RALYL: variants seen among roughly 807,000 people sequenced by gnomAD.
RALYL encodes RNA-binding Raly-like protein.
In RALYL, 29 loss-of-function variants were observed where a neutral mutation model predicts 35.1. The ratio of observed to expected loss-of-function variants is 0.83; its 90% CI spans 0.61 to 1.13. The LOEUF is 1.13. Among genes scored for constraint, RALYL ranks in the 50% most tolerant of loss-of-function variants. The pLI is 0.00. For synonymous variants in RALYL, 120 were observed against 127.6 expected (o/e 0.94, Z 0.40); for missense variants, 359 against 360.4 (o/e 1.00, Z 0.03).
At chr8:84,917,689 C>T (rs1343921446) in intron 8 of RALYL, among the ~76,000 whole-genome samples, 1 of 151,756 alleles carries the variant, frequency 6.6e-6, no homozygotes, top group Non-Finnish European at 1.5e-5. Flanking sequence ...CCTCCAAGAA[C>T]TACCTAATGG....
intron 1 of RALYL, among the ~76,000 whole-genome samples, chr8:84,386,537 G>A (rs1859242216): frequency 6.6e-6 from 1 of 151,824 alleles, no homozygotes; most frequent in Non-Finnish European, 1.5e-5. Flanking sequence ...CCATTGGGTA[G>A]TAGTACCTTT....
At chr8:84,379,164 A>T (rs948295369) in intron 1 of RALYL, among the ~76,000 whole-genome samples, 1 of 151,960 alleles carries the variant, frequency 6.6e-6, no homozygotes, top group African/African-American at 2.4e-5. Flanking sequence ...ATTGTCTCCA[A>T]GGGTTATAAT....
At chr8:84,581,062 T>C (rs1810713907) in intron 2 of RALYL, among the ~76,000 whole-genome samples, 1 of 152,132 alleles carries the variant, frequency 6.6e-6, no homozygotes, top group African/African-American at 2.4e-5. Flanking sequence ...CCTCACTGCT[T>C]GGCATCTGAG....
chr8:84,913,102 T>TA (rs1847876400), intron 8 of RALYL, among the ~76,000 whole-genome samples: 1 of 131,492 alleles, frequency 7.6e-6, no homozygotes, highest in East Asian at 2.1e-4. Flanking sequence ...ACATATACAC[T>TA]AAGTAACACC....
At chr8:84,686,213 A>G (rs527298562) in intron 2 of RALYL, among the ~76,000 whole-genome samples, 1 of 152,240 alleles carries the variant, frequency 6.6e-6, no homozygotes, top group East Asian at 1.9e-4. Flanking sequence ...GAACAGTTGG[A>G]AAAATTATCA....
chr8:84,627,624 CCT>C (rs1036672228), intron 2 of RALYL, among the ~76,000 whole-genome samples: 3 of 151,144 alleles, frequency 2.0e-5, no homozygotes, highest in African/African-American at 7.3e-5. Flanking sequence ...CTTCTTTTCC[CCT>C]GTCTCTTTCA....
At chr8:84,299,702 G>A (rs1428022788) in intron 1 of RALYL, among the ~76,000 whole-genome samples, 1 of 151,990 alleles carries the variant, frequency 6.6e-6, no homozygotes, top group Non-Finnish European at 1.5e-5. Context: ...TTGGGAGTTT[G>A]TATATTGCCA....
In RALYL at chr8:84,183,624, CCTT is replaced by C. The variant is rs1468698491; in HGVS notation, c.-823_-821del. ...ATTCTTGTCCTATTCTTTTTTTTGT[CCTT>C]TTTTTTGGTTTTTTGTTTTTTTTGT... On this transcript the variant is annotated 5_prime_UTR_variant, in exon 1 of 9. Transcript: ENST00000521268. 6.6e-6 allele frequency: 1 copy of C among 152,168 alleles called. No individual in the cohort carries two copies. The highest frequency in any genetic ancestry group is 1.5e-5 in the Non-Finnish European group (1 of 68,078). 9.4% of individuals were successfully genotyped at this position (152,168 alleles called of 1,614,324 possible).
At chr8:84,538,752 G>A (rs887014226) in intron 2 of RALYL, among the ~76,000 whole-genome samples, 3 of 152,094 alleles carry the variant, frequency 2.0e-5, no homozygotes, top group African/African-American at 4.8e-5. Flanking sequence ...ATGAAGTATT[G>A]TAAATTTATT....
intron 2 of RALYL, among the ~76,000 whole-genome samples, chr8:84,622,410 T>C (rs1345568975): frequency 1.3e-5 from 2 of 152,256 alleles, no homozygotes; most frequent in African/African-American, 2.4e-5. Context: ...CATCGTTTAC[T>C]AGGCCAGGCT....
At chr8:84,913,040 G>GTAGGTAGA (rs372305617) in intron 8 of RALYL, among the ~76,000 whole-genome samples, 4,482 of 129,864 alleles carry the variant, frequency 0.035, 115 homozygotes, top group African/African-American at 0.055. Flanking sequence ...GGATAGGTAG[G>GTAGGTAGA]TAGATAGATA....
intron 1 of RALYL, among the ~76,000 whole-genome samples, chr8:84,200,163 A>G (rs1159564017): frequency 6.6e-6 from 1 of 152,172 alleles, no homozygotes; most frequent in Non-Finnish European, 1.5e-5. Flanking sequence ...GTAGCATGAG[A>G]TTCTAATGGT....
intron 1 of RALYL, among the ~76,000 whole-genome samples, chr8:84,417,883 G>T (rs1163041670): frequency 6.6e-6 from 1 of 151,976 alleles, no homozygotes; most frequent in Non-Finnish European, 1.5e-5. Flanking sequence ...TAGTCTCAAG[G>T]CTTCAGCTTT....
chr8:84,402,260 C>T (rs1396370827), intron 1 of RALYL, among the ~76,000 whole-genome samples: 2 of 152,120 alleles, frequency 1.3e-5, no homozygotes, highest in African/African-American at 2.4e-5. Flanking sequence ...AAATATGCTA[C>T]CTAAGATAAA....
At chr8:84,898,774 C>T (rs1259484488) in intron 8 of RALYL, among the ~76,000 whole-genome samples, 1 of 152,116 alleles carries the variant, frequency 6.6e-6, no homozygotes, top group African/African-American at 2.4e-5. Flanking sequence ...TCATTCCGTA[C>T]CTGATCCTGG....
At chr8:84,762,095 A>AGG in intron 2 of RALYL, among the ~76,000 whole-genome samples, 1 of 152,238 alleles carries the variant, frequency 6.6e-6, no homozygotes, top group East Asian at 1.9e-4. Context: ...GGAGACCAGA[A>AGG]TAGCTAAAGA....
intron 1 of RALYL, among the ~76,000 whole-genome samples, chr8:84,327,125 G>T (rs1212361192): frequency 6.6e-6 from 1 of 151,988 alleles, no homozygotes; most frequent in Non-Finnish European, 1.5e-5. Context: ...ATTGTGAAAG[G>T]GGGTGGTAGA....
intron 2 of RALYL, among the ~76,000 whole-genome samples, chr8:84,765,601 T>C (rs1310129300): frequency 1.3e-5 from 2 of 152,202 alleles, no homozygotes; most frequent in Non-Finnish European, 2.9e-5. Context: ...CAACTAATAA[T>C]AACTACCAAA....
At chr8:84,525,924 A>G (rs1383797530) in intron 1 of RALYL, among the ~76,000 whole-genome samples, 6 of 147,970 alleles carry the variant, frequency 4.1e-5, no homozygotes, top group African/African-American at 1.3e-4. Flanking sequence ...TATGTGATTG[A>G]ATGACTTCTA....
Sources: gnomAD v4.1 joint callset for allele counts (sites outside exome capture counted in the v4.1 genomes callset) on GRCh38, gnomAD v4.1.1 for gene constraint, MANE v1.5 for transcripts, NCBI Gene and HGNC (gene_info 2026-07-23, HGNC 2026-07-21) for gene names.